Variants in SLC14A2 observed in about 807,000 individuals in gnomAD.
SLC14A2 encodes solute carrier family 14 member 2.
SLC14A2 carries 91 observed loss-of-function variants against 104.6 expected under a neutral mutation model. The observed-to-expected ratio is 0.87, with a 90% CI of 0.73 to 1.04. The LOEUF (loss-of-function observed/expected upper bound fraction) is 1.04. Ranked by LOEUF, SLC14A2 falls within the 50% of genes least tolerant of loss-of-function variation. SLC14A2 has a pLI of 0.00. For synonymous variants in SLC14A2, 476 were observed against 466.4 expected, an observed-to-expected ratio of 1.02 and a Z score of -0.27; for missense variants, 1,189 against 1,156.0, an observed-to-expected ratio of 1.03 and a Z score of -0.41.
intron 1 of SLC14A2, among the ~76,000 whole-genome samples, chr18:45,403,798 A>G (rs2086123136): frequency 1.2e-5 from 1 of 81,564 alleles, no homozygotes; most frequent in Non-Finnish European, 2.8e-5. Context: ...ATGAGTGGAC[A>G]TTCTATGAGT....
chr18:45,297,375 T>C (rs2084926912), intron 1 of SLC14A2, among the ~76,000 whole-genome samples: 1 of 152,264 alleles, frequency 6.6e-6, no homozygotes, highest in African/African-American at 2.4e-5. Flanking sequence ...AGGCCAGATT[T>C]GGTTAGCATC....
intron 1 of SLC14A2, among the ~76,000 whole-genome samples, chr18:45,263,676 G>A (rs1310018782): frequency 6.6e-6 from 1 of 152,112 alleles, no homozygotes; most frequent in Non-Finnish European, 1.5e-5. Flanking sequence ...AAGTGTTTAT[G>A]TATATCGGTT....
At chr18:45,605,310 T>C (rs1344790578) in intron 2 of SLC14A2, among the ~76,000 whole-genome samples, 1 of 152,196 alleles carries the variant, frequency 6.6e-6, no homozygotes, top group African/African-American at 2.4e-5. Flanking sequence ...TGATGGACTG[T>C]CTCATGTACC....
chr18:45,318,251 G>C (rs984477195), intron 1 of SLC14A2, among the ~76,000 whole-genome samples: 1 of 152,080 alleles, frequency 6.6e-6, no homozygotes, highest in Non-Finnish European at 1.5e-5. Flanking sequence ...CCTAGACCTG[G>C]AGAGGACCAG....
chr18:45,532,535 G>T lies in SLC14A2; in HGVS notation c.-35+49213G>T, dbSNP rs946095242. ...GTGTATAAGAATGCTTGTGATTTTT[G>T]CACATTGATTTTGTATCCTGAGACT... On this transcript the variant is annotated intron_variant, in intron 2 of 20. Transcript: ENST00000586448. 2.0e-5 allele frequency among the ~76,000 whole-genome samples: 3 copies of T among 146,788 alleles called. 1 individual carries two copies. The highest frequency in any genetic ancestry group is 8.1e-5 in the African/African-American group (3 of 37,234).
intron 1 of SLC14A2, among the ~76,000 whole-genome samples, chr18:45,319,143 C>T (rs1171697627): frequency 6.6e-6 from 1 of 152,192 alleles, no homozygotes; most frequent in Non-Finnish European, 1.5e-5. Flanking sequence ...TCCATGAGCC[C>T]CAGCTCCTCT....
At chr18:45,222,880 A>G (rs2084076864) in intron 1 of SLC14A2, among the ~76,000 whole-genome samples, 1 of 152,132 alleles carries the variant, frequency 6.6e-6, no homozygotes, top group Non-Finnish European at 1.5e-5. Context: ...TCCCTTTCTC[A>G]GTGCCTGCAT....
chr18:45,253,293 C>T (rs1168645211), intron 1 of SLC14A2, among the ~76,000 whole-genome samples: 1 of 152,216 alleles, frequency 6.6e-6, no homozygotes, highest in East Asian at 1.9e-4. Context: ...CCTGACCACC[C>T]AGTACTGAGA....
intron 1 of SLC14A2, among the ~76,000 whole-genome samples, chr18:45,439,097 C>T (rs1050536595): frequency 6.6e-6 from 1 of 152,064 alleles, no homozygotes; most frequent in Admixed American, 6.6e-5. Flanking sequence ...CCAGCCTAGG[C>T]AATATGGCCA....
chr18:45,644,171 A>T lies in SLC14A2; in HGVS notation c.1351+11A>T, dbSNP rs773486632. On this transcript the variant is annotated intron_variant, in intron 10 of 19. Coordinates refer to ENST00000255226, the MANE Select transcript of SLC14A2 (RefSeq NM_007163.4). The stretch of plus-strand genomic sequence containing the variant: ...AGAAGGCCCCCAGCGGTGAATAGCC[A>T]TGTTCGGGGAAGAAACGCTCTTTGC... 2 of 1,613,768 alleles carry T rather than the reference A, an allele frequency of 1.2e-6. No individual in the cohort carries two copies. The highest frequency in any genetic ancestry group is 2.2e-5 in the South Asian group (2 of 91,044).
intron 2 of SLC14A2, among the ~76,000 whole-genome samples, chr18:45,584,526 A>G (rs2044541049): frequency 2.0e-5 from 3 of 152,214 alleles, no homozygotes; most frequent in Admixed American, 6.5e-5. Flanking sequence ...TGCTCCTTCC[A>G]TCACAGAACG....
At chr18:45,404,624 C>T (rs2086133628) in intron 1 of SLC14A2, among the ~76,000 whole-genome samples, 1 of 152,216 alleles carries the variant, frequency 6.6e-6, no homozygotes, top group Non-Finnish European at 1.5e-5. Flanking sequence ...GTGAGTCAGT[C>T]TCTCAAGGAC....
At chr18:45,206,032 C>T in the SLC14A2 span, among the ~76,000 whole-genome samples, 18,469 of 152,098 alleles carry the variant, frequency 0.12, 1,443 homozygotes, top group Middle Eastern at 0.22. Context: ...TTGAAGAGGC[C>T]GGTGGAGATG....
intron 2 of SLC14A2, among the ~76,000 whole-genome samples, chr18:45,510,225 T>C (rs1301966541): frequency 6.6e-6 from 1 of 152,196 alleles, no homozygotes; most frequent in Non-Finnish European, 1.5e-5. Context: ...CACTTAAATG[T>C]GACAATAGAT....
At chr18:45,533,749 T>C (rs796817754) in intron 2 of SLC14A2, among the ~76,000 whole-genome samples, 4 of 152,326 alleles carry the variant, frequency 2.6e-5, no homozygotes, top group South Asian at 4.1e-4. Context: ...AGCTTTTGAA[T>C]GTGTTTGCTC....
chr18:45,183,262 G>C, the SLC14A2 span, among the ~76,000 whole-genome samples: 1 of 152,140 alleles, frequency 6.6e-6, no homozygotes, highest in African/African-American at 2.4e-5. Context: ...AACCATGTCA[G>C]TTCCGTGAAG....
chr18:45,679,124 C>T lies in SLC14A2; in HGVS notation c.2562+100C>T, dbSNP rs1347756239. ...AAACCTCTCTCCTCTAAGAACTCTT[C>T]CCCAGTTCATCTCCCTTATTTCAAG... is the stretch of plus-strand genomic sequence containing the variant. On this transcript the variant is annotated intron_variant, in intron 19 of 19. Coordinates refer to ENST00000255226, the MANE Select transcript of SLC14A2 (RefSeq NM_007163.4). 7 of 1,082,146 alleles carry T rather than the reference C, an allele frequency of 6.5e-6. 1 individual carries two copies. The highest frequency in any genetic ancestry group is 1.6e-5 in the African/African-American group (1 of 63,372). 67.0% of individuals were successfully genotyped at this position (1,082,146 alleles called of 1,614,324 possible). A position where few individuals can be genotyped will look rare whatever the true frequency, so the allele number is the denominator to read the frequency against.
chr18:45,231,795 C>T (rs1298744167), intron 1 of SLC14A2, among the ~76,000 whole-genome samples: 1 of 152,152 alleles, frequency 6.6e-6, no homozygotes, highest in East Asian at 1.9e-4. Context: ...TTTGGTAGTT[C>T]ATTCAGTGAG....
chr18:45,404,841 T>C (rs1432312434), intron 1 of SLC14A2, among the ~76,000 whole-genome samples: 2 of 152,196 alleles, frequency 1.3e-5, no homozygotes, highest in Admixed American at 6.5e-5. Flanking sequence ...CAATCTTGTT[T>C]TCTCAGCATT....
Sources: allele counts gnomAD v4.1 joint callset (sites outside exome capture counted in the v4.1 genomes callset), GRCh38; gene constraint gnomAD v4.1.1; transcripts MANE v1.5; gene names NCBI Gene and HGNC (gene_info 2026-07-23, HGNC 2026-07-21).